Variants in PTPRD observed in about 807,000 individuals in gnomAD.
The protein encoded by PTPRD is receptor-type tyrosine-protein phosphatase delta.
PTPRD carries 34 observed loss-of-function variants against 214.5 expected under a neutral mutation model. That is an observed-to-expected ratio of 0.16 (90% CI 0.12 to 0.21). PTPRD has a LOEUF of 0.21. PTPRD is among the 10% of genes least tolerant of loss of function. The probability of loss-of-function intolerance (pLI) is 1.00; values close to 1 mark genes in which losing one functional copy is unlikely to be tolerated. For synonymous variants in PTPRD, 1,128 were observed against 845.7 expected, an observed-to-expected ratio of 1.33 and a Z score of -5.79; for missense variants, 2,545 against 2,398.7, an observed-to-expected ratio of 1.06 and a Z score of -1.27.
chr9:10,286,398 T>G (rs1047816642), intron 3 of PTPRD, among the ~76,000 whole-genome samples: 19 of 151,972 alleles, frequency 1.3e-4, no homozygotes, highest in Middle Eastern at 3.2e-3. Flanking sequence ...GCCATAATTG[T>G]GTCATGGCAC....
At chr9:8,804,306 T>C (rs1206847497) in intron 11 of PTPRD, among the ~76,000 whole-genome samples, 2 of 151,906 alleles carry the variant, frequency 1.3e-5, no homozygotes, top group Non-Finnish European at 2.9e-5. Context: ...AAACTATCCT[T>C]ATTTATATTG....
intron 4 of PTPRD, among the ~76,000 whole-genome samples, chr9:9,977,299 G>C (rs2095391398): frequency 6.6e-6 from 1 of 152,058 alleles, no homozygotes; most frequent in South Asian, 2.1e-4. Flanking sequence ...AAAAGAGAAA[G>C]TAAAACAGTT....
At chr9:10,363,765 G>T (rs774343321) in intron 2 of PTPRD, among the ~76,000 whole-genome samples, 64 of 151,710 alleles carry the variant, frequency 4.2e-4, no homozygotes, top group Non-Finnish European at 8.6e-4. Flanking sequence ...GACCCCTTAT[G>T]GGTTTTTTTG....
chr9:9,711,503 T>C (rs2097728924), intron 7 of PTPRD, among the ~76,000 whole-genome samples: 1 of 152,182 alleles, frequency 6.6e-6, no homozygotes. Flanking sequence ...ATAATAATAA[T>C]TATAATTAGA....
intron 3 of PTPRD, among the ~76,000 whole-genome samples, chr9:10,298,294 T>C (rs557793154): frequency 5.3e-4 from 81 of 152,154 alleles, no homozygotes; most frequent in African/African-American, 1.9e-3. Flanking sequence ...TAGGAATGCA[T>C]TACAGGTTCC....
chr9:8,521,908 T>C (rs759452250), intron 19 of PTPRD, among the ~76,000 whole-genome samples: 2 of 152,150 alleles, frequency 1.3e-5, no homozygotes, highest in Non-Finnish European at 2.9e-5. Flanking sequence ...TGCAGGCATG[T>C]ATATGCAGAA....
chr9:10,157,855 T>C (rs1051290939), intron 3 of PTPRD, among the ~76,000 whole-genome samples: 2 of 152,178 alleles, frequency 1.3e-5, no homozygotes, highest in African/African-American at 4.8e-5. Flanking sequence ...CTTTTTTCTC[T>C]ATTCTTCTTT....
chr9:9,912,004 T>A (rs10217222), intron 5 of PTPRD, among the ~76,000 whole-genome samples: 1 of 151,792 alleles, frequency 6.6e-6, no homozygotes, highest in African/African-American at 2.4e-5. Flanking sequence ...GTTTATTTAT[T>A]AATTTGAGAA....
intron 11 of PTPRD, among the ~76,000 whole-genome samples, chr9:8,938,233 A>G (rs1348295327): frequency 1.3e-5 from 2 of 151,840 alleles, no homozygotes; most frequent in African/African-American, 4.8e-5. Context: ...TTGGCAATTG[A>G]TTGGATTTTA....
intron 2 of PTPRD, among the ~76,000 whole-genome samples, chr9:10,527,290 G>T (rs540376446): frequency 6.6e-6 from 1 of 152,054 alleles, no homozygotes; most frequent in Non-Finnish European, 1.5e-5. Flanking sequence ...GTTTACCACC[G>T]ATGCAGTAAA....
intron 2 of PTPRD, among the ~76,000 whole-genome samples, chr9:10,567,207 T>C (rs995330047): frequency 6.6e-6 from 1 of 152,060 alleles, no homozygotes. Flanking sequence ...CCTAGAACCA[T>C]TTTTAGAATA....
chr9:8,456,334 G>A (rs539771231), intron 33 of PTPRD, among the ~76,000 whole-genome samples: 2 of 152,248 alleles, frequency 1.3e-5, no homozygotes, highest in South Asian at 4.1e-4. Context: ...CTAGAGAGGG[G>A]AGGAGAAGAG....
intron 8 of PTPRD, among the ~76,000 whole-genome samples, chr9:9,415,864 G>T (rs1214718908): frequency 2.0e-5 from 3 of 152,152 alleles, no homozygotes; most frequent in Non-Finnish European, 2.9e-5. Flanking sequence ...CCGGTTAGTC[G>T]GGTAGGACGG....
At chr9:10,313,797 T>TA (rs1230933665) in intron 3 of PTPRD, among the ~76,000 whole-genome samples, 1 of 151,958 alleles carries the variant, frequency 6.6e-6, no homozygotes, top group Non-Finnish European at 1.5e-5. Flanking sequence ...CACCGCCTGT[T>TA]AGAGGCCTTC....
intron 11 of PTPRD, among the ~76,000 whole-genome samples, chr9:8,851,832 T>C (rs2097821880): frequency 6.6e-6 from 1 of 152,084 alleles, no homozygotes; most frequent in Non-Finnish European, 1.5e-5. Context: ...GTGGCAGAAC[T>C]GAGGCATAAA....
At chr9:9,418,639 A>G (rs946970444) in intron 8 of PTPRD, among the ~76,000 whole-genome samples, 3 of 152,022 alleles carry the variant, frequency 2.0e-5, no homozygotes, top group Non-Finnish European at 4.4e-5. Flanking sequence ...ATGAGATAGC[A>G]TACATACTAT....
At chr9:10,006,050 T>C (rs1241031544) in intron 4 of PTPRD, among the ~76,000 whole-genome samples, 2 of 152,018 alleles carry the variant, frequency 1.3e-5, no homozygotes, top group Admixed American at 6.6e-5. Context: ...AAATATATGA[T>C]GGTATTATAC....
chr9:10,562,555 ATAAT>A (rs1190444308), intron 2 of PTPRD, among the ~76,000 whole-genome samples: 3 of 152,162 alleles, frequency 2.0e-5, no homozygotes, highest in Non-Finnish European at 1.5e-5. Context: ...GAAATCCTGA[ATAAT>A]TATTTTATTA....
At chr9:9,681,888 T>C (rs1403553753) in intron 7 of PTPRD, among the ~76,000 whole-genome samples, 4 of 151,872 alleles carry the variant, frequency 2.6e-5, no homozygotes, top group African/African-American at 4.8e-5. Context: ...AAGAAGAAAG[T>C]AATAATGCAG....
Sources: allele counts gnomAD v4.1 joint callset (sites outside exome capture counted in the v4.1 genomes callset), GRCh38; gene constraint gnomAD v4.1.1; transcripts MANE v1.5; gene names NCBI Gene and HGNC (gene_info 2026-07-23, HGNC 2026-07-21).